Variants in TGIF1 observed in about 807,000 individuals in gnomAD.
TGIF1 encodes the protein TGFB induced factor homeobox 1.
In TGIF1, 4 loss-of-function variants were observed where a neutral mutation model predicts 19.3. The ratio of observed to expected loss-of-function variants is 0.21; its 90% CI spans 0.10 to 0.47. The LOEUF is 0.47. TGIF1 is among the 20% of genes least tolerant of loss of function. TGIF1 has a pLI of 0.98. For missense variants in TGIF1, 275 were observed against 341.4 expected, an observed-to-expected ratio of 0.81 and a Z score of 1.53; for synonymous variants, 122 against 129.3, an observed-to-expected ratio of 0.94 and a Z score of 0.38.
intron 2 of TGIF1, among the ~76,000 whole-genome samples, chr18:3,440,975 A>G (rs1568039146): frequency 6.6e-6 from 1 of 152,342 alleles, no homozygotes; most frequent in South Asian, 2.1e-4. Flanking sequence ...AAAACAACTT[A>G]ACATCTATTA....
chr18:3,452,280 A>C, intron 1 of TGIF1: 4 of 1,610,808 alleles, frequency 2.5e-6, no homozygotes, highest in Non-Finnish European at 2.5e-6. Flanking sequence ...GCTGGGGACC[A>C]AGGCTGGGCC....
chr18:3,444,363 T>C (rs1009734040), intron 2 of TGIF1, among the ~76,000 whole-genome samples: 1 of 151,290 alleles, frequency 6.6e-6, no homozygotes, highest in African/African-American at 2.4e-5. Context: ...GTTTCTTAAA[T>C]AAGAAAACAT....
At chr18:3,420,764 C>A (rs2082389324) in intron 2 of TGIF1, among the ~76,000 whole-genome samples, 1 of 152,298 alleles carries the variant, frequency 6.6e-6, no homozygotes, top group African/African-American at 2.4e-5. Context: ...ACATGTCAGG[C>A]CCTTAGCCCT....
intron 1 of TGIF1, chr18:3,415,235 G>A (rs565501120): frequency 1.8e-5 from 4 of 222,802 alleles, no homozygotes; most frequent in East Asian, 1.0e-4. Flanking sequence ...AGCTTCTGTC[G>A]ATGCTGCCTG....
chr18:3,426,581 C>A (rs1440437883), intron 2 of TGIF1, among the ~76,000 whole-genome samples: 3 of 152,084 alleles, frequency 2.0e-5, no homozygotes, highest in Admixed American at 2.0e-4. Context: ...TGTCTGTCTT[C>A]CATATTTGTA....
intron 1 of TGIF1, among the ~76,000 whole-genome samples, chr18:3,417,081 T>A (rs2143113514): frequency 6.6e-6 from 1 of 152,348 alleles, no homozygotes; most frequent in East Asian, 1.9e-4. Context: ...TTTATTTAAA[T>A]ACTATTTATA....
rs1272133173 is a variant in TGIF1, at chr18:3,451,994, G to A, written c.16+1489G>A. On this transcript the variant is annotated intron_variant, in intron 1 of 2. Coordinates refer to ENST00000343820, the MANE Select transcript of TGIF1 (RefSeq NM_003244.4). The surrounding 1 kb of genome is among the most constrained non-coding windows in gnomAD (Gnocchi z 5.4). The stretch of plus-strand genomic sequence containing the variant: ...GTGTTTCGAGGATGGTTCTAGCGCA[G>A]AGCCGGGTGTCTGCCGGGGTGGGCT... The A allele has an allele frequency of 1.2e-6, 2 of 1,600,326 alleles. No individual in the cohort carries two copies. Among genetic ancestry groups the A allele is most frequent in the Non-Finnish European group, 1.7e-6 (2 of 1,172,570 alleles).
Position 3,420,442 on chromosome 18 carries a change from G to A in TGIF1, c.-45+2227G>A, listed in dbSNP as rs527700306. Among the ~76,000 whole-genome samples the A allele has an allele frequency of 2.6e-5, 4 of 151,968 alleles. No individual in the cohort carries two copies. The East Asian group carries it at 7.7e-4, about 29-fold the overall frequency. On this transcript the variant is annotated intron_variant, in intron 2 of 3. Coordinates refer to the TGIF1 transcript ENST00000401449. ...AAGAAAAAGAGTGGAAAACAAAAAG[G>A]AAACAAAGAATAAGAGCAATGAAAT... is the stretch of plus-strand genomic sequence containing the variant.
intron 2 of TGIF1, among the ~76,000 whole-genome samples, chr18:3,435,194 T>C (rs905969904): frequency 4.0e-5 from 6 of 151,642 alleles, no homozygotes; most frequent in African/African-American, 1.5e-4. Flanking sequence ...TAAAACCCTA[T>C]ATATATTTTT....
At position 3,457,247 on chromosome 18, in the gene TGIF1, C is replaced by A; in HGVS notation, c.244-118C>A. On this transcript the variant is annotated intron_variant, in intron 2 of 2. Coordinates refer to ENST00000343820, the MANE Select transcript of TGIF1 (RefSeq NM_003244.4). The surrounding 1 kb of genome is among the most constrained non-coding windows in gnomAD (Gnocchi z 4.9). ...AATAACATTGTAAATTCAGATAAGGCTTTTCATGCTTTCTTTAATTCAGAG... is the reference window on the plus strand; with the variant it reads ...AATAACATTGTAAATTCAGATAAGGATTTTCATGCTTTCTTTAATTCAGAG... 1.8e-6 allele frequency: 2 copies of A among 1,131,866 alleles called. No homozygotes were observed. The highest frequency in any genetic ancestry group is 1.3e-6 in the Non-Finnish European group (1 of 773,378). 70.1% of individuals were successfully genotyped at this position (1,131,866 alleles called of 1,614,324 possible). A position where few individuals can be genotyped will look rare whatever the true frequency, so the allele number is the denominator to read the frequency against.
chr18:3,421,759 T>A (rs201238708), intron 2 of TGIF1, among the ~76,000 whole-genome samples: 1 of 151,288 alleles, frequency 6.6e-6, no homozygotes, highest in Non-Finnish European at 1.5e-5. Context: ...TTCTGTTTAA[T>A]AAAAAAATTA....
In TGIF1 at chr18:3,457,394, C is replaced by T; in HGVS notation, c.273C>T (p.Arg91=). The T allele has an allele frequency of 6.2e-7, 1 of 1,614,226 alleles. No homozygotes were observed. The highest frequency in any genetic ancestry group is 8.5e-7 in the Non-Finnish European group (1 of 1,180,044). ...QVCNWFINAR[R]RLLPDMLRKD... is the part of the protein sequence containing the mutation. ...GTAACTGGTTCATCAACGCCCGCCGCAGGCTCCTCCCTGACATGCTGAGAA... is the reference window on the plus strand; with the variant it reads ...GTAACTGGTTCATCAACGCCCGCCGTAGGCTCCTCCCTGACATGCTGAGAA... Residue 91 remains arginine, a synonymous_variant, in exon 3 of 3, where the codon CGC becomes CGT. Coordinates refer to ENST00000343820, the MANE Select transcript of TGIF1 (RefSeq NM_003244.4). The surrounding 1 kb of genome is among the most constrained non-coding windows in gnomAD (Gnocchi z 4.9).
upstream of TGIF1, among the ~76,000 whole-genome samples, chr18:3,446,966 C>T (rs916370882): frequency 6.6e-6 from 1 of 152,142 alleles, no homozygotes; most frequent in African/African-American, 2.4e-5. Flanking sequence ...ACAAATACAT[C>T]CTCCAATCTT....
At chr18:3,450,054 G>C, upstream of TGIF1, 1 of 1,009,188 alleles carries the variant, frequency 9.9e-7, no homozygotes, top group African/African-American at 1.7e-5. Flanking sequence ...GCTCGGTCCA[G>C]TCTTCCCGGC....
intron 2 of TGIF1, among the ~76,000 whole-genome samples, chr18:3,427,093 G>A (rs1027917272): frequency 8.6e-5 from 13 of 151,838 alleles, no homozygotes; most frequent in Non-Finnish European, 1.6e-4. Context: ...ACAGGCTTGC[G>A]CCACCATGCC....
Position 3,435,494 on chromosome 18 carries a change from G to A in TGIF1, c.-45+17279G>A, listed in dbSNP as rs140060752. ...ATTACAGGTGTGAGCCACCGCTCCC[G>A]GCCTTAAAACCCTATTAACCAGACT... On this transcript the variant is annotated intron_variant, in intron 2 of 3. Coordinates refer to the TGIF1 transcript ENST00000401449. Among the ~76,000 whole-genome samples the A allele has an allele frequency of 3.6e-3, 542 of 152,152 alleles. 5 individuals carry two copies. The highest frequency in any genetic ancestry group is 0.013 in the African/African-American group (519 of 41,498).
intron 2 of TGIF1, among the ~76,000 whole-genome samples, chr18:3,434,927 T>C (rs114898515): frequency 1.5e-3 from 228 of 152,314 alleles, no homozygotes; most frequent in African/African-American, 5.2e-3. Flanking sequence ...GTAAAATAGC[T>C]GACTTATACA....
At chr18:3,425,061 C>G (rs939076190) in intron 2 of TGIF1, among the ~76,000 whole-genome samples, 3 of 152,206 alleles carry the variant, frequency 2.0e-5, no homozygotes, top group African/African-American at 7.2e-5. Context: ...TTGGTGACAA[C>G]CTACTACTTA....
At chr18:3,439,383 T>G (rs2082654625) in intron 2 of TGIF1, among the ~76,000 whole-genome samples, 1 of 151,924 alleles carries the variant, frequency 6.6e-6, no homozygotes, top group Non-Finnish European at 1.5e-5. Context: ...AGTCTTGCTC[T>G]ATTGCCCAGG....
Sources: allele counts gnomAD v4.1 joint callset (sites outside exome capture counted in the v4.1 genomes callset), GRCh38; gene constraint gnomAD v4.1.1; non-coding constraint Gnocchi (gnomAD v3.1); transcripts MANE v1.5; gene names NCBI Gene and HGNC (gene_info 2026-07-23, HGNC 2026-07-21).